PTPRN2: variants seen among roughly 807,000 people sequenced by gnomAD.
PTPRN2 encodes the protein receptor-type tyrosine-protein phosphatase N2.
PTPRN2 carries 74 observed loss-of-function variants against 118.8 expected under a neutral mutation model. The ratio of observed to expected loss-of-function variants is 0.62; its 90% CI spans 0.52 to 0.76. PTPRN2 has a LOEUF of 0.76. Ranked by LOEUF, PTPRN2 falls within the 30% of genes least tolerant of loss-of-function variation. The probability of loss-of-function intolerance (pLI) is 0.00; values close to 1 mark genes in which losing one functional copy is unlikely to be tolerated. For synonymous variants in PTPRN2, 641 were observed against 608.0 expected (o/e 1.05, Z -0.80); for missense variants, 1,481 against 1,394.4 (o/e 1.06, Z -0.99).
At chr7:158,242,203 G>A (rs536466138) in intron 3 of PTPRN2, among the ~76,000 whole-genome samples, 26 of 152,168 alleles carry the variant, frequency 1.7e-4, no homozygotes, top group African/African-American at 4.3e-4. Flanking sequence ...TCCCCGCCCC[G>A]TCCTCTGCAC....
intron 11 of PTPRN2, 36 bp downstream of exon 11, chr7:158,081,262 G>T (rs746235377): frequency 6.5e-7 from 1 of 1,535,556 alleles, no homozygotes; most frequent in Admixed American, 1.7e-5. Flanking sequence ...GCACACACGT[G>T]TGTGTGCGTG....
At chr7:157,972,450 C>A (rs767500717) in intron 11 of PTPRN2, among the ~76,000 whole-genome samples, 44 of 152,018 alleles carry the variant, frequency 2.9e-4, no homozygotes, top group Non-Finnish European at 5.1e-4. Flanking sequence ...GGGTCCAGGC[C>A]CTGTGGGAGA....
intron 9 of PTPRN2, among the ~76,000 whole-genome samples, chr7:158,131,049 TACAG>T (rs1473428881): frequency 3.0e-5 from 2 of 66,038 alleles, no homozygotes; most frequent in Admixed American, 3.8e-4. Flanking sequence ...CACACGTACA[TACAG>T]ACACCTGCCC....
chr7:158,071,443 A>G (rs1469742980), intron 11 of PTPRN2, among the ~76,000 whole-genome samples: 2 of 33,058 alleles, frequency 6.0e-5, no homozygotes, highest in South Asian at 1.3e-3. Context: ...GTGGTGGTGG[A>G]GGTGCTCGTG....
At position 157,729,037 on chromosome 7, in the gene PTPRN2, G is replaced by A. The variant is rs1489398361; in HGVS notation, c.1789-46100C>T. Among the ~76,000 whole-genome samples the A allele has an allele frequency of 6.6e-6, 1 of 152,194 alleles. No homozygotes were observed. The highest frequency in any genetic ancestry group is 2.4e-5 in the African/African-American group (1 of 41,424). On this transcript the variant is annotated intron_variant, in intron 12 of 22. Transcript: ENST00000389418. This position sits in a 1 kb window ranked among gnomAD's most constrained non-coding sequence, Gnocchi z 4.3. ...TCACACAGAGGTCGGTCGTTGTCTG[G>A]ACACAGACAATGGGAATCTGGGCTG...
intron 7 of PTPRN2, among the ~76,000 whole-genome samples, chr7:158,137,808 G>A (rs1464921062): frequency 1.3e-5 from 2 of 152,216 alleles, no homozygotes; most frequent in African/African-American, 4.8e-5. Flanking sequence ...AAGCCATCAG[G>A]CTGCAGAAGT....
intron 12 of PTPRN2, among the ~76,000 whole-genome samples, chr7:157,839,539 CTG>C (rs946866476): frequency 1.3e-5 from 2 of 150,702 alleles, no homozygotes; most frequent in East Asian, 2.0e-4. Flanking sequence ...TTGTATTACT[CTG>C]TGTGTCTGTG....
Position 158,133,678 on chromosome 7 carries a change from C to T in PTPRN2, c.1555G>A (p.Asp519Asn), listed in dbSNP as rs368669520. Residue 519 changes from aspartate (D) to asparagine (N), a missense_variant and splice_region_variant, in exon 9 of 23, where the codon GAC becomes AAC. By Grantham distance (23) the Asp-to-Asn change is conservative. This residue lies in a region of PTPRN2 where 1,115 missense variants were observed against 994.2 expected (regional missense o/e 1.12). Coordinates refer to ENST00000389418, the MANE Select transcript of PTPRN2 (RefSeq NM_002847.5). ...EARGYIVTDRDPLRPEEGRRL... is the reference protein window; with the variant it reads ...EARGYIVTDRNPLRPEEGRRL... Reference sequence around the variant, plus strand: ...AGCTTAGCCAGGGCTGCTACTCACTCTCTGTCTGTCACGATGTAGCCCCGC... The same window carrying T: ...AGCTTAGCCAGGGCTGCTACTCACTTTCTGTCTGTCACGATGTAGCCCCGC... 8 of 1,572,812 alleles carry T rather than the reference C, an allele frequency of 5.1e-6. No individual in the cohort carries two copies. The highest frequency in any genetic ancestry group is 6.0e-6 in the Non-Finnish European group (7 of 1,159,808).
In PTPRN2 at chr7:157,593,155, G is replaced by A. The variant is rs192405891; in HGVS notation, c.2496+2083C>T. Among the ~76,000 whole-genome samples, 373 of 149,248 alleles carry A rather than the reference G, an allele frequency of 2.5e-3. 3 individuals are homozygous for A. The highest frequency in any genetic ancestry group is 8.7e-3 in the African/African-American group (353 of 40,490). ...ACTGAGAGTGGATGTGGGCATCATC[G>A]TGGTCGTTGAGCATGGACACCGAGA... On this transcript the variant is annotated intron_variant, in intron 17 of 22. Transcript: ENST00000389418.
intron 11 of PTPRN2, among the ~76,000 whole-genome samples, chr7:157,982,302 C>T (rs1402690333): frequency 4.4e-4 from 17 of 38,242 alleles, no homozygotes; most frequent in South Asian, 1.3e-3. Flanking sequence ...AGGGTCCCCC[C>T]AAACCCTGAG....
chr7:158,298,998 G>C (rs1462364128), intron 3 of PTPRN2, among the ~76,000 whole-genome samples: 3 of 152,192 alleles, frequency 2.0e-5, no homozygotes, highest in African/African-American at 7.2e-5. Context: ...GCACAGGAAG[G>C]AGGGTGCAGC....
Position 158,151,147 on chromosome 7 carries a change from G to A in PTPRN2, c.911-12632C>T, listed in dbSNP as rs1585646439. Among the ~76,000 whole-genome samples, 3 of 84,268 alleles carry A rather than the reference G, an allele frequency of 3.6e-5. 1 individual carries two copies. In the East Asian group the frequency reaches 1.2e-3, roughly 34 times the overall value. 55.3% of individuals were successfully genotyped at this position (84,268 alleles called of 152,430 possible). On this transcript the variant is annotated intron_variant, in intron 6 of 22. Transcript: ENST00000389418. ...CCACACCGCCCGCCTTTCTATTCCT[G>A]CCTCTCCCTGCCCACACCGCCCGCC...
In PTPRN2 at chr7:157,615,425, T is replaced by G. The variant is rs1802697475; in HGVS notation, c.2344+5937A>C. ...TCCCTGTGTGAATCTCAGGGCTGTT[T>G]CGAGGATGAAAAGGAGGTGTTTAGC... On this transcript the variant is annotated intron_variant, in intron 15 of 22. Coordinates refer to ENST00000389418, the MANE Select transcript of PTPRN2 (RefSeq NM_002847.5). The surrounding 1 kb of genome is among the most constrained non-coding windows in gnomAD (Gnocchi z 4.3). The G allele has an allele frequency of 2.1e-6, 1 of 471,050 alleles. No individual in the cohort carries two copies. The highest frequency in any genetic ancestry group is 2.0e-5 in the African/African-American group (1 of 50,100). The allele number at this position is 471,050 out of a possible 1,614,324, so 29.2% of individuals were successfully genotyped here. A position where few individuals can be genotyped will look rare whatever the true frequency, so the allele number is the denominator to read the frequency against.
At chr7:158,221,174 T>C (rs1828338351) in intron 3 of PTPRN2, among the ~76,000 whole-genome samples, 1 of 152,090 alleles carries the variant, frequency 6.6e-6, no homozygotes, top group Non-Finnish European at 1.5e-5. Flanking sequence ...ATGCAGAAGA[T>C]TGAAACTTGA....
intron 10 of PTPRN2, among the ~76,000 whole-genome samples, chr7:158,106,208 A>C (rs1815667789): frequency 6.6e-6 from 1 of 151,368 alleles, no homozygotes; most frequent in Admixed American, 6.6e-5. Context: ...ATCCCAGTCC[A>C]TCCCAGCCCC....
chr7:157,582,831 G>A (rs375452526), intron 17 of PTPRN2, among the ~76,000 whole-genome samples: 3 of 151,454 alleles, frequency 2.0e-5, no homozygotes, highest in East Asian at 3.9e-4. Context: ...CCGAGACCGT[G>A]TCATTGCACT....
chr7:157,713,925 C>A (rs941641235), intron 12 of PTPRN2, among the ~76,000 whole-genome samples: 1 of 152,182 alleles, frequency 6.6e-6, no homozygotes, highest in African/African-American at 2.4e-5. Context: ...CACGAAGGAG[C>A]GGAAATACAA....
At chr7:157,776,498 C>T (rs1402659763) in intron 12 of PTPRN2, among the ~76,000 whole-genome samples, 5 of 125,190 alleles carry the variant, frequency 4.0e-5, no homozygotes, top group Admixed American at 1.6e-4. Flanking sequence ...TCTCCTTCTC[C>T]CTCTCCTCCT....
chr7:158,364,684 G>C lies in PTPRN2; in HGVS notation c.164-47752C>G, dbSNP rs192271103. 3.3e-5 allele frequency among the ~76,000 whole-genome samples: 5 copies of C among 152,244 alleles called. No individual in the cohort carries two copies. The East Asian group carries it at 9.7e-4, about 29-fold the overall frequency. On this transcript the variant is annotated intron_variant, in intron 2 of 22. Transcript: ENST00000389418. ...CCCAGCCCCAGATCCCGGGAGTTTT[G>C]ATCACACAGCTGGGAAGTCGTCATC...
Sources: allele counts gnomAD v4.1 joint callset (sites outside exome capture counted in the v4.1 genomes callset), GRCh38; gene constraint gnomAD v4.1.1; regional missense constraint gnomAD v4.1.1; non-coding constraint Gnocchi (gnomAD v3.1); transcripts MANE v1.5; gene names NCBI Gene and HGNC (gene_info 2026-07-23, HGNC 2026-07-21).